The following SLC45A2 variants were observed in gnomAD, a reference collection of about 807,000 sequenced individuals.
SLC45A2 encodes solute carrier family 45 member 2, also known as membrane-associated transporter protein.
In SLC45A2, 36 loss-of-function variants were observed where a neutral mutation model predicts 45.5. The ratio of observed to expected loss-of-function variants is 0.79; its 90% CI spans 0.61 to 1.04. The LOEUF is 1.04. SLC45A2 is among the 50% of genes least tolerant of loss of function. The probability of loss-of-function intolerance (pLI) is 0.00; values close to 1 mark genes in which losing one functional copy is unlikely to be tolerated. For synonymous variants in SLC45A2, 306 were observed against 269.3 expected, an observed-to-expected ratio of 1.14 and a Z score of -1.33; for missense variants, 719 against 671.0, an observed-to-expected ratio of 1.07 and a Z score of -0.79.
intron 2 of SLC45A2, among the ~76,000 whole-genome samples, chr5:33,979,190 A>G (rs1227724238): frequency 3.9e-5 from 6 of 152,222 alleles, no homozygotes; most frequent in African/African-American, 1.4e-4. Context: ...GAGACATCAG[A>G]CATCAATCAA....
At chr5:33,953,588 C>T (rs1459817245) in intron 4 of SLC45A2, among the ~76,000 whole-genome samples, 3 of 149,212 alleles carry the variant, frequency 2.0e-5, no homozygotes, top group Non-Finnish European at 3.0e-5. Flanking sequence ...ACAACCGGTA[C>T]CAGCCGCTGC....
chr5:33,981,827 G>C (rs1003825243), intron 2 of SLC45A2, among the ~76,000 whole-genome samples: 2 of 152,022 alleles, frequency 1.3e-5, no homozygotes, highest in African/African-American at 4.8e-5. Context: ...CAAATGTCTG[G>C]GCCCCGCCTT....
chr5:33,963,676 A>G lies in SLC45A2; in HGVS notation c.888+15T>C, dbSNP rs760595488. 1.9e-6 allele frequency: 3 copies of G among 1,612,758 alleles called. No homozygotes were observed. Among genetic ancestry groups the G allele is most frequent in the African/African-American group, 2.7e-5 (2 of 74,900 alleles). Reference sequence around the variant, plus strand: ...GAATATTTTCCCTTGTAAAGAAAAAATGTTGCATCTTTACCTGTTCAGCAT... The same window carrying G: ...GAATATTTTCCCTTGTAAAGAAAAAGTGTTGCATCTTTACCTGTTCAGCAT... On this transcript the variant is annotated intron_variant, in intron 3 of 6. Coordinates refer to ENST00000296589, the MANE Select transcript of SLC45A2 (RefSeq NM_016180.5).
intron 6 of SLC45A2, 195 bp downstream of exon 6, chr5:33,946,968 G>A: frequency 6.6e-7 from 1 of 1,517,604 alleles, no homozygotes; most frequent in South Asian, 1.3e-5. Context: ...GAATAAGGAG[G>A]ACAGGACAGC....
chr5:33,945,421 A>G (rs1190382310), intron 6 of SLC45A2, among the ~76,000 whole-genome samples: 1 of 152,214 alleles, frequency 6.6e-6, no homozygotes, highest in African/African-American at 2.4e-5. Context: ...AAGCATTTCA[A>G]TCTTTCAAAA....
At chr5:33,983,829 T>G (rs780917346) in intron 1 of SLC45A2, among the ~76,000 whole-genome samples, 2 of 152,206 alleles carry the variant, frequency 1.3e-5, no homozygotes, top group African/African-American at 4.8e-5. Flanking sequence ...ATGGAGCTAT[T>G]TGGCAGCCAG....
chr5:33,948,238 C>T (rs1013458076), intron 5 of SLC45A2, among the ~76,000 whole-genome samples: 2 of 152,210 alleles, frequency 1.3e-5, no homozygotes, highest in African/African-American at 4.8e-5. Flanking sequence ...AGCAGGTCAA[C>T]TTGGCTTGCT....
intron 1 of SLC45A2, among the ~76,000 whole-genome samples, chr5:33,982,734 G>T (rs1579563003): frequency 2.6e-5 from 4 of 152,186 alleles, no homozygotes; most frequent in South Asian, 4.1e-4. Context: ...AGTGGTAATG[G>T]TTGCACAACA....
At position 33,984,480 on chromosome 5, in the gene SLC45A2, A is replaced by G. The variant is rs1352205875; in HGVS notation, c.104T>C (p.Leu35Pro). 2.5e-6 allele frequency: 4 copies of G among 1,613,494 alleles called. No individual in the cohort carries two copies. Among genetic ancestry groups the G allele is most frequent in the Non-Finnish European group, 3.4e-6 (4 of 1,180,022 alleles). Residue 35 changes from leucine (L) to proline (P), a missense_variant, in exon 1 of 7, where the codon CTC (leucine) becomes CCC (proline). Transcript: ENST00000296589. The part of the protein sequence containing the change: ...VEPPKRPTSR[L>P]IMHSMAMFGR... ...GAACATGGCCATGCTGTGCATGATG[A>G]GTCTGCTGGTGGGTCTTTTAGGCGG...
chr5:33,963,154 T>C (rs1207595725), intron 3 of SLC45A2, among the ~76,000 whole-genome samples: 1 of 152,262 alleles, frequency 6.6e-6, no homozygotes, highest in East Asian at 1.9e-4. Flanking sequence ...TTCTAGTCTC[T>C]TCTCTGATCA....
chr5:33,955,219 G>A (rs1027794797), intron 3 of SLC45A2, among the ~76,000 whole-genome samples: 2 of 152,104 alleles, frequency 1.3e-5, no homozygotes, highest in Non-Finnish European at 2.9e-5. Flanking sequence ...GCAACTCCAG[G>A]CCAACAGTCC....
intron 2 of SLC45A2, among the ~76,000 whole-genome samples, chr5:33,978,784 G>A (rs938817332): frequency 1.4e-4 from 21 of 152,098 alleles, no homozygotes; most frequent in African/African-American, 4.8e-4. Context: ...CAAACAACTT[G>A]GGCAACTGTT....
intron 5 of SLC45A2, among the ~76,000 whole-genome samples, chr5:33,950,022 T>TA (rs577188683): frequency 1.2e-3 from 181 of 150,318 alleles, no homozygotes; most frequent in African/African-American, 4.0e-3. Context: ...ACCCCATCTC[T>TA]AAAAAAAAAA....
At chr5:33,971,327 A>C (rs541737439) in intron 2 of SLC45A2, 119 of 514,020 alleles carry the variant, frequency 2.3e-4, no homozygotes, top group Non-Finnish European at 4.2e-4. Flanking sequence ...AGTTATTCCA[A>C]CTTGTAGGAA....
chr5:33,982,412 G>A lies in SLC45A2; in HGVS notation c.386C>T (p.Ala129Val). ...CTTCCTCCTTGGGTTAGCAATCAAA[G>A]CTAAAAGAAAAATAAACATTGGTCT... ...LYLNGATVVA[A>V]LIANPRRKLV... is the part of the protein sequence containing the mutation. The change falls in exon 2 of 7, where the codon GCT (alanine) becomes GTT (valine). Residue 129 changes from alanine (A) to valine (V), a missense_variant and splice_region_variant. By Grantham distance (64) the Ala-to-Val change is moderately conservative. Transcript: ENST00000296589. 1.9e-6 allele frequency: 3 copies of A among 1,613,862 alleles called. No homozygotes were observed. Among genetic ancestry groups the A allele is most frequent in the Non-Finnish European group, 2.5e-6 (3 of 1,179,892 alleles).
intron 6 of SLC45A2, chr5:33,946,227 T>C (rs534951231): frequency 2.0e-6 from 2 of 985,454 alleles, no homozygotes; most frequent in Non-Finnish European, 2.4e-6. Context: ...CATCCCACCT[T>C]GGTGACAATG....
chr5:33,982,534 A>G (rs1579562870), intron 1 of SLC45A2, 122 bp from the exon 2 acceptor site: 2 of 967,104 alleles, frequency 2.1e-6, no homozygotes, highest in Non-Finnish European at 3.1e-6. Flanking sequence ...CTTTTTTCCA[A>G]ATAAAAATAG....
Position 33,963,784 on chromosome 5 carries a change from C to G in SLC45A2, c.795G>C (p.Met265Ile). The G allele has an allele frequency of 6.2e-7, 1 of 1,614,178 alleles. No individual in the cohort carries two copies. The highest frequency in any genetic ancestry group is 8.5e-7 in the Non-Finnish European group (1 of 1,180,024). Reference sequence around the variant, plus strand: ...CTTTCTCGATAGAACCATACTCGTACATTCCATCTGATGACAATGGAGGGT... The same window carrying G: ...CTTTCTCGATAGAACCATACTCGTAGATTCCATCTGATGACAATGGAGGGT... ...PQDPPLSSDG[M>I]YEYGSIEKVK... The change falls in exon 3 of 7, where the codon ATG becomes ATC. Residue 265 changes from methionine (M) to isoleucine (I), a missense_variant. By Grantham distance (10) the Met-to-Ile change is conservative. Transcript: ENST00000296589.
chr5:33,970,517 A>T (rs1047794498), intron 2 of SLC45A2, among the ~76,000 whole-genome samples: 2 of 152,250 alleles, frequency 1.3e-5, no homozygotes, highest in South Asian at 4.1e-4. Flanking sequence ...AGAGGAATCC[A>T]GACTAACTCA....
Sources: allele counts gnomAD v4.1 joint callset (sites outside exome capture counted in the v4.1 genomes callset), GRCh38; gene constraint gnomAD v4.1.1; transcripts MANE v1.5; gene names NCBI Gene and HGNC (gene_info 2026-07-23, HGNC 2026-07-21).